ATAD2: variants seen among roughly 807,000 people sequenced by gnomAD.
ATAD2 encodes ATPase family AAA domain containing 2, also known as ATPase family AAA domain-containing protein 2.
In ATAD2, 62 loss-of-function variants were observed where a neutral mutation model predicts 168.9. That is an observed-to-expected ratio of 0.37 (90% confidence interval 0.30 to 0.45). The LOEUF is 0.45. Among genes scored for constraint, ATAD2 ranks in the 20% least tolerant of loss-of-function variants. The pLI is 1.00. For missense variants in ATAD2, 1,419 were observed against 1,667.8 expected (o/e 0.85, Z 2.60); for synonymous variants, 613 against 571.6 (o/e 1.07, Z -1.03).
At chr8:123,351,754 T>C (rs1828469767) in intron 13 of ATAD2, among the ~76,000 whole-genome samples, 1 of 151,542 alleles carries the variant, frequency 6.6e-6, no homozygotes, top group African/African-American at 2.4e-5. Context: ...TGATGTTTTT[T>C]TTTTTTTTTT....
In ATAD2 at chr8:123,333,989, A is replaced by G; in HGVS notation, c.3367T>C (p.Tyr1123His). Residue 1123 changes from tyrosine to histidine, a missense_variant, in exon 24 of 28, where the codon TAC (tyrosine) becomes CAC (histidine). Coordinates refer to ENST00000287394, the MANE Select transcript of ATAD2 (RefSeq NM_014109.4). ...CSSSKYAPSY[Y>H]HVMPKQNSTL... ...GAATTTTGCTTTGGCATCACATGGT[A>G]GTAAGACGGGGCATATTTGGAGGAG... is the stretch of plus-strand genomic sequence containing the variant. 6.2e-7 allele frequency: 1 copy of G among 1,614,134 alleles called. No individual in the cohort carries two copies. Among genetic ancestry groups the G allele is most frequent in the Non-Finnish European group, 8.5e-7 (1 of 1,179,982 alleles).
chr8:123,374,138 C>T (rs1184646838), intron 2 of ATAD2, among the ~76,000 whole-genome samples: 1 of 152,032 alleles, frequency 6.6e-6, no homozygotes, highest in Non-Finnish European at 1.5e-5. Context: ...GCCAAGAGTT[C>T]AAGACCAGCC....
intron 1 of ATAD2, among the ~76,000 whole-genome samples, chr8:123,381,598 T>TA (rs1451319974): frequency 6.6e-6 from 1 of 152,194 alleles, no homozygotes; most frequent in Non-Finnish European, 1.5e-5. Flanking sequence ...GTACAATAAA[T>TA]AGACTAGAGG....
At chr8:123,401,014 A>G (rs1812988902), upstream of ATAD2, 1 of 1,530,224 alleles carries the variant, frequency 6.5e-7, no homozygotes, top group Non-Finnish European at 9.0e-7. Context: ...CATCACTGAG[A>G]CAGGCACCAT....
At chr8:123,334,606 G>C (rs1349560485) in intron 22 of ATAD2, among the ~76,000 whole-genome samples, 1 of 152,062 alleles carries the variant, frequency 6.6e-6, no homozygotes, top group Non-Finnish European at 1.5e-5. Context: ...TCAATAGCAA[G>C]AGATTAAACA....
chr8:123,353,258 G>A (rs542106759), intron 13 of ATAD2, among the ~76,000 whole-genome samples: 3 of 151,902 alleles, frequency 2.0e-5, no homozygotes, highest in Admixed American at 2.0e-4. Flanking sequence ...CAGCTACTGG[G>A]GAGGCTGAGG....
chr8:123,357,808 A>C, intron 11 of ATAD2, 72 bp from the exon 12 acceptor site: 1 of 1,359,218 alleles, frequency 7.4e-7, no homozygotes, highest in Non-Finnish European at 9.9e-7. Context: ...ATTAGAAACC[A>C]ATTTCATGAT....
chr8:123,334,027 A>G lies in ATAD2; in HGVS notation c.3335-6T>C, dbSNP rs757358103. 8 of 1,606,858 alleles carry G rather than the reference A, an allele frequency of 5.0e-6. No individual in the cohort carries two copies. The African/African-American group carries it at 9.4e-5, about 19-fold the overall frequency. On this transcript the variant is annotated splice_region_variant and splice_polypyrimidine_tract_variant and intron_variant, in intron 23 of 27. Transcript: ENST00000287394. ...ATATTTGGAGGAGCTACAACCTTATAAATAGATATGTGGGATGTCAAAAGG... is the reference window on the plus strand; with the variant it reads ...ATATTTGGAGGAGCTACAACCTTATGAATAGATATGTGGGATGTCAAAAGG...
In ATAD2 at chr8:123,403,884, G is replaced by T. The variant is rs767491031; in HGVS notation, c.-2281-2709C>A. Reference sequence around the variant, plus strand: ...CAGAAGGACTTTGTCTAGGTGTGCTGTTGACATAAAGTGACCTTGTGAGGC... The same window carrying T: ...CAGAAGGACTTTGTCTAGGTGTGCTTTTGACATAAAGTGACCTTGTGAGGC... On this transcript the variant is annotated intron_variant, in intron 1 of 28. Transcript: ENST00000521903. Among the ~76,000 whole-genome samples the T allele has an allele frequency of 1.7e-3, 260 of 152,216 alleles. 1 individual carries two copies. The highest frequency in any genetic ancestry group is 3.4e-3 in the Middle Eastern group (1 of 294).
chr8:123,389,960 T>TTACATA (rs1829770019), intron 1 of ATAD2, among the ~76,000 whole-genome samples: 2 of 94,050 alleles, frequency 2.1e-5, no homozygotes, highest in East Asian at 6.0e-4. Flanking sequence ...TACTATTATT[T>TTACATA]TATATATATA....
intron 20 of ATAD2, among the ~76,000 whole-genome samples, chr8:123,338,352 C>A (rs1275839255): frequency 4.7e-5 from 7 of 147,702 alleles, no homozygotes; most frequent in Admixed American, 1.4e-4. Flanking sequence ...GAGACTCCGT[C>A]TCAAGGAAAA....
chr8:123,387,146 G>A (rs1182586128), intron 1 of ATAD2, among the ~76,000 whole-genome samples: 1 of 151,882 alleles, frequency 6.6e-6, no homozygotes, highest in Non-Finnish European at 1.5e-5. Flanking sequence ...ATATTTACAT[G>A]ATTTTAAAAC....
chr8:123,325,244 C>T (rs965281535), intron 26 of ATAD2, among the ~76,000 whole-genome samples: 7 of 150,572 alleles, frequency 4.6e-5, no homozygotes, highest in African/African-American at 7.3e-5. Context: ...ATACAGGTGC[C>T]CACCACCACA....
At chr8:123,407,616 T>C (rs1364799858) in intron 1 of ATAD2, among the ~76,000 whole-genome samples, 3 of 151,228 alleles carry the variant, frequency 2.0e-5, no homozygotes, top group East Asian at 1.9e-4. Flanking sequence ...CCCAGCACTT[T>C]GGGAGGCTGA....
rs969058225 is a variant in ATAD2 at position 123,325,896 on chromosome 8, T to C, written c.3999A>G (p.Leu1333=). The C allele has an allele frequency of 1.2e-6, 2 of 1,613,862 alleles. No homozygotes were observed. Among genetic ancestry groups the C allele is most frequent in the African/African-American group, 2.7e-5 (2 of 74,928 alleles). The change falls in exon 26 of 28, where the codon TTA becomes TTG. Residue 1333 remains leucine (L), a synonymous_variant. Transcript: ENST00000287394. ...ATTATGATTTCAATTTACATACTTT[T>C]AATCGCTCATGATCCACAACAAGTG... is the stretch of plus-strand genomic sequence containing the variant. ...TPSLVVDHER[L]KNLLKTVVKK... is the part of the protein sequence containing the mutation.
In ATAD2 at chr8:123,328,411, C is replaced by G; in HGVS notation, c.3647G>C (p.Gly1216Ala). 1 of 1,605,058 alleles carries G rather than the reference C, an allele frequency of 6.2e-7. No individual in the cohort carries two copies. The highest frequency in any genetic ancestry group is 8.5e-7 in the Non-Finnish European group (1 of 1,176,662). The part of the protein sequence containing the change: ...QDTSVDHNET[G>A]NTGESSVEEN... ...TTCCACCGAAGACTCTCCTGTGTTT[C>G]CGGTCTCATTATGATCTACACTTGT... The change falls in exon 25 of 28, where the codon GGA becomes GCA. Residue 1216 changes from glycine (G) to alanine (A), a missense_variant. By Grantham distance (60) the Gly-to-Ala change is moderately conservative. Around this residue, in one of 5 missense-constraint regions of ATAD2, gnomAD observed 303 missense variants for 304.3 expected, o/e 1.00. Transcript: ENST00000287394.
intron 26 of ATAD2, 21 bp from the exon 27 acceptor site, chr8:123,323,087 C>A: frequency 6.3e-7 from 1 of 1,599,368 alleles, no homozygotes; most frequent in South Asian, 1.1e-5. Context: ...ATATGAGTGT[C>A]AATATGTGTG....
intron 1 of ATAD2, among the ~76,000 whole-genome samples, chr8:123,411,276 T>C (rs1813151872): frequency 1.3e-5 from 2 of 152,146 alleles, no homozygotes; most frequent in Admixed American, 1.3e-4. Context: ...ACCCCTGGAC[T>C]GGCCTGCTAG....
At position 123,356,450 on chromosome 8, in the gene ATAD2, A is replaced by G; in HGVS notation, c.1585T>C (p.Phe529Leu). Residue 529 changes from phenylalanine to leucine, a missense_variant, in exon 13 of 28, where the codon TTT becomes CTT. Phe to Leu is a conservative substitution (Grantham distance 22). This residue lies in a region of ATAD2 where 545 missense variants were observed against 724.9 expected (regional missense o/e 0.75). Transcript: ENST00000287394. ...GCCAGACCATCAATTTCGTCAAAAA[A>G]AATAATTGATGGGCGCATCTGATAG... Reference protein sequence around the residue: ...QAYQMRPSIIFFDEIDGLAPV... With the variant: ...QAYQMRPSIILFDEIDGLAPV... 1.9e-6 allele frequency: 3 copies of G among 1,612,762 alleles called. No individual in the cohort carries two copies. The highest frequency in any genetic ancestry group is 2.5e-6 in the Non-Finnish European group (3 of 1,179,216).
Sources: gnomAD v4.1 joint callset for allele counts (sites outside exome capture counted in the v4.1 genomes callset) on GRCh38, gnomAD v4.1.1 for gene constraint, gnomAD v4.1.1 regional missense constraint, MANE v1.5 for transcripts, NCBI Gene and HGNC (gene_info 2026-07-23, HGNC 2026-07-21) for gene names.